The following DUSP11 variants were observed in gnomAD, a reference collection of about 807,000 sequenced individuals.
DUSP11 encodes RNA/RNP complex-1-interacting phosphatase.
In DUSP11, 27 loss-of-function variants were observed where a neutral mutation model predicts 41.4. That is an observed-to-expected ratio of 0.65 (90% CI 0.48 to 0.90). The LOEUF (loss-of-function observed/expected upper bound fraction) is 0.90, where lower values mean the gene tolerates loss of function less well. Among genes scored for constraint, DUSP11 ranks in the 40% least tolerant of loss-of-function variants. The pLI is 0.00. For missense variants in DUSP11, 465 were observed against 461.1 expected (o/e 1.01, Z -0.08); for synonymous variants, 188 against 159.3 (o/e 1.18, Z -1.35).
chr2:73,769,439 A>C, intron 4 of DUSP11, 114 bp from the exon 5 acceptor site: 1 of 791,112 alleles, frequency 1.3e-6, no homozygotes, highest in Non-Finnish European at 2.0e-6. Flanking sequence ...CTAGGAACAT[A>C]CTATAAAGAA....
At chr2:73,762,784 T>A (rs1324813445) in exon 9 of DUSP11, 1 of 1,613,270 alleles carries the variant, frequency 6.2e-7, no homozygotes, top group Non-Finnish European at 8.5e-7. Context: ...ACCTCCTGTG[T>A]GAATAGTCCT....
intron 4 of DUSP11, 185 bp downstream of exon 4, chr2:73,773,615 C>A: frequency 1.8e-6 from 1 of 557,160 alleles, no homozygotes; most frequent in Non-Finnish European, 3.1e-6. Flanking sequence ...TTTAACATTC[C>A]AAAGTTAAAT....
chr2:73,766,582 G>A (rs1672470532), exon 8 of DUSP11: 6 of 1,607,436 alleles, frequency 3.7e-6, no homozygotes, highest in Non-Finnish European at 4.2e-6. Flanking sequence ...TGGGTACACT[G>A]GAATTCCAAT....
rs139537978 is a variant in DUSP11, at chr2:73,778,276, G to C, written c.318+25C>G. On this transcript the variant is annotated intron_variant, in intron 2 of 8. Coordinates refer to ENST00000272444, the Ensembl canonical transcript of DUSP11. The stretch of plus-strand genomic sequence containing the variant: ...GCATGGTGAACTCAGATGCCTGAAA[G>C]AATACTGAATTAACTTTTGCTTACC... The C allele has an allele frequency of 1.6e-3, 2,408 of 1,535,254 alleles. 38 individuals carry two copies. In the African/African-American group the frequency reaches 0.03, roughly 19 times the overall value.
In DUSP11 at chr2:73,767,242, C is replaced by A. The variant is rs201273120; in HGVS notation, c.636-35G>T. 6.1e-5 allele frequency: 95 copies of A among 1,558,932 alleles called. No homozygotes were observed. Among genetic ancestry groups the A allele is most frequent in the Non-Finnish European group, 7.4e-5 (85 of 1,143,908 alleles). ...CAACATAATTTGGGTCATTTATATA[C>A]GAAAAGAAAAAAATCAAGTTTTTTC... On this transcript the variant is annotated intron_variant, in intron 5 of 8. Transcript: ENST00000272444.
chr2:73,780,092 C>T lies in DUSP11; in HGVS notation c.24G>A (p.Glu8=), dbSNP rs113652317. 7.0e-4 allele frequency: 1,093 copies of T among 1,567,866 alleles called. 10 individuals carry two copies. In the African/African-American group the frequency reaches 0.013, roughly 18 times the overall value. The stretch of plus-strand genomic sequence containing the variant: ...AGACTCGGCAGCCACCTACGCCGCG[C>T]TCCAGCGTCTCGCTATTGCGCATGT... The change falls in exon 1 of 9, where the codon GAG becomes GAA. Residue 8 remains glutamate, a synonymous_variant. Transcript: ENST00000272444.
intron 1 of DUSP11, chr2:73,779,596 A>C (rs1672753909): frequency 2.0e-6 from 1 of 511,552 alleles, no homozygotes; most frequent in Non-Finnish European, 3.5e-6. Flanking sequence ...GAGTGTCCCC[A>C]ACAGTAACAG....
chr2:73,774,822 T>C (rs1672648772), intron 3 of DUSP11, 91 bp downstream of exon 3: 1 of 1,165,036 alleles, frequency 8.6e-7, no homozygotes, highest in East Asian at 2.5e-5. Context: ...AAGGCCAAGC[T>C]TCACATTAGC....
At chr2:73,766,893 C>T (rs1236162619) in exon 7 of DUSP11, 1 of 1,612,768 alleles carries the variant, frequency 6.2e-7, no homozygotes, top group East Asian at 2.2e-5. Flanking sequence ...GTCCCCGGCA[C>T]CTATTGAATA....
chr2:73,770,544 G>T (rs1179029321), intron 4 of DUSP11, among the ~76,000 whole-genome samples: 1 of 151,584 alleles, frequency 6.6e-6, no homozygotes, highest in Admixed American at 6.6e-5. Flanking sequence ...AAAAAAGAAG[G>T]CACTCATCAT....
chr2:73,769,289 T>C (rs1672529033), exon 5 of DUSP11: 1 of 1,613,772 alleles, frequency 6.2e-7, no homozygotes, highest in African/African-American at 1.3e-5. Flanking sequence ...GCCAGTCCTG[T>C]TTAAACCATG....
intron 2 of DUSP11, among the ~76,000 whole-genome samples, chr2:73,776,704 A>C (rs1227964052): frequency 6.6e-6 from 1 of 152,206 alleles, no homozygotes; most frequent in Non-Finnish European, 1.5e-5. Context: ...AAAATGAGAG[A>C]AAGAACTAAG....
chr2:73,770,825 G>T (rs11892172), intron 4 of DUSP11, among the ~76,000 whole-genome samples: 1 of 151,838 alleles, frequency 6.6e-6, no homozygotes, highest in Non-Finnish European at 1.5e-5. Flanking sequence ...CTTCTGCCCA[G>T]CCCCAACCTC....
intron 5 of DUSP11, 44 bp from the exon 6 acceptor site, chr2:73,767,251 A>G (rs2103930515): frequency 6.5e-7 from 1 of 1,531,272 alleles, no homozygotes; most frequent in East Asian, 2.3e-5. Flanking sequence ...ACGAAAAGAA[A>G]AAAATCAAGT....
chr2:73,765,573 T>TATCCATCCATCCATCCATCC (rs747641644), intron 8 of DUSP11, among the ~76,000 whole-genome samples: 2 of 151,476 alleles, frequency 1.3e-5, no homozygotes, highest in Non-Finnish European at 2.9e-5. Context: ...CCCATCCATC[T>TATCCATCCATCCATCCATCC]ATCCATCCAT....
chr2:73,773,883 A>T, exon 4 of DUSP11: 2 of 1,604,050 alleles, frequency 1.2e-6, no homozygotes, highest in East Asian at 2.2e-5. Context: ...TTGATGTCCA[A>T]CTGTAAAAAT....
At chr2:73,777,277 T>C (rs1243858133) in intron 2 of DUSP11, among the ~76,000 whole-genome samples, 2 of 152,034 alleles carry the variant, frequency 1.3e-5, no homozygotes, top group African/African-American at 4.8e-5. Context: ...AGGCCTGGCC[T>C]GAAATGACTC....
chr2:73,773,883 A>C (rs918383071), exon 4 of DUSP11: 1 of 1,603,932 alleles, frequency 6.2e-7, no homozygotes, highest in Non-Finnish European at 8.5e-7. Context: ...TTGATGTCCA[A>C]CTGTAAAAAT....
intron 4 of DUSP11, 61 bp downstream of exon 4, chr2:73,773,739 C>T: frequency 1.3e-6 from 2 of 1,509,006 alleles, no homozygotes; most frequent in Admixed American, 2.1e-5. Context: ...TAAAAAAATA[C>T]CAAAAATCCC....
Sources: gnomAD v4.1 joint callset for allele counts (sites outside exome capture counted in the v4.1 genomes callset) on GRCh38, gnomAD v4.1.1 for gene constraint, MANE v1.5 for transcripts, NCBI Gene and HGNC (gene_info 2026-07-23, HGNC 2026-07-21) for gene names.